The following EXOC4 variants were observed in gnomAD, a reference collection of about 807,000 sequenced individuals.
The protein encoded by EXOC4 is SEC8-like 1.
In EXOC4, 71 loss-of-function variants were observed where a neutral mutation model predicts 107.2. That is an observed-to-expected ratio of 0.66 (90% CI 0.55 to 0.81). The LOEUF (loss-of-function observed/expected upper bound fraction) is 0.81, where lower values mean the gene tolerates loss of function less well. EXOC4 is among the 30% of genes least tolerant of loss of function. The pLI, the probability that EXOC4 is intolerant of heterozygous loss-of-function variation, is 0.00. For synonymous variants in EXOC4, 456 were observed against 441.2 expected (o/e 1.03, Z -0.42); for missense variants, 1,108 against 1,189.6 (o/e 0.93, Z 1.01).
chr7:133,253,685 C>T (rs1165111261), intron 1 of EXOC4: 3 of 204,026 alleles, frequency 1.5e-5, no homozygotes, highest in Non-Finnish European at 2.6e-5. Flanking sequence ...GCCACAAATA[C>T]AAGAATCTGC....
intron 14 of EXOC4, among the ~76,000 whole-genome samples, chr7:133,959,708 A>G (rs1190094381): frequency 2.0e-5 from 3 of 152,106 alleles, no homozygotes; most frequent in African/African-American, 7.2e-5. Context: ...GTCAGAAGAA[A>G]AAAAAAATAA....
intron 10 of EXOC4, among the ~76,000 whole-genome samples, chr7:133,782,810 G>A (rs921490624): frequency 6.6e-6 from 1 of 152,162 alleles, no homozygotes; most frequent in Admixed American, 6.5e-5. Flanking sequence ...AAGGCGAATG[G>A]TATTGTGAGG....
intron 10 of EXOC4, among the ~76,000 whole-genome samples, chr7:133,692,598 A>G (rs1794445556): frequency 6.6e-6 from 1 of 152,198 alleles, no homozygotes; most frequent in African/African-American, 2.4e-5. Context: ...CCACTTCCAT[A>G]ATCTCCCCTT....
At chr7:133,535,443 A>G (rs745868624) in intron 9 of EXOC4, among the ~76,000 whole-genome samples, 2 of 152,168 alleles carry the variant, frequency 1.3e-5, no homozygotes, top group Non-Finnish European at 2.9e-5. Flanking sequence ...GAAGTTTACA[A>G]TCCTATCTGA....
chr7:133,429,094 G>T (rs566030751), intron 7 of EXOC4, among the ~76,000 whole-genome samples: 3 of 152,230 alleles, frequency 2.0e-5, no homozygotes, highest in African/African-American at 7.2e-5. Context: ...TGACAGCACG[G>T]GTTGGAAGAA....
At chr7:133,427,271 T>C (rs1217365995) in intron 7 of EXOC4, among the ~76,000 whole-genome samples, 1 of 152,176 alleles carries the variant, frequency 6.6e-6, no homozygotes, top group Non-Finnish European at 1.5e-5. Flanking sequence ...ACTCCCAGCC[T>C]TTCTCAGTAG....
chr7:133,451,000 C>T (rs752319864), intron 7 of EXOC4, among the ~76,000 whole-genome samples: 28 of 152,140 alleles, frequency 1.8e-4, no homozygotes, highest in African/African-American at 3.6e-4. Flanking sequence ...TGGTCGTGAA[C>T]GGTTGCTCAC....
the EXOC4 span, among the ~76,000 whole-genome samples, chr7:134,079,511 G>T: frequency 1.3e-5 from 2 of 152,064 alleles, no homozygotes; most frequent in African/African-American, 2.4e-5. Context: ...CTTTTATGCT[G>T]ATTAACCATC....
At chr7:133,825,768 T>C (rs1356483390) in intron 11 of EXOC4, among the ~76,000 whole-genome samples, 7 of 152,174 alleles carry the variant, frequency 4.6e-5, no homozygotes, top group Admixed American at 1.3e-4. Context: ...TTAGTGTAAA[T>C]AGATTAGTCC....
chr7:133,665,261 A>G (rs544295603), intron 10 of EXOC4, among the ~76,000 whole-genome samples: 13 of 152,114 alleles, frequency 8.5e-5, no homozygotes, highest in Non-Finnish European at 1.5e-4. Context: ...TTTGACTTTT[A>G]CATGGTTAAC....
At chr7:133,633,902 C>G (rs1267139027) in intron 10 of EXOC4, among the ~76,000 whole-genome samples, 1 of 151,958 alleles carries the variant, frequency 6.6e-6, no homozygotes, top group African/African-American at 2.4e-5. Context: ...CTACTTTTTC[C>G]CTATGTCTGG....
At chr7:133,285,512 T>A (rs932054065) in intron 2 of EXOC4, among the ~76,000 whole-genome samples, 1 of 152,236 alleles carries the variant, frequency 6.6e-6, no homozygotes, top group African/African-American at 2.4e-5. Context: ...TAGCTTTTAA[T>A]GTTGCTGCTG....
chr7:133,257,434 CTTTTG>C (rs1213496359), intron 1 of EXOC4, among the ~76,000 whole-genome samples: 1 of 152,074 alleles, frequency 6.6e-6, no homozygotes, highest in East Asian at 1.9e-4. Flanking sequence ...CTTTGCCAAC[CTTTTG>C]TTTGGTGGGA....
Position 133,576,403 on chromosome 7 carries a change from G to A in EXOC4, c.1418-53642G>A, listed in dbSNP as rs543136034. Reference sequence around the variant, plus strand: ...TCTTTCATTTTAATCTGTTGTCTCCGTCACAGTCAAATTAGCATTATGTAG... The same window carrying A: ...TCTTTCATTTTAATCTGTTGTCTCCATCACAGTCAAATTAGCATTATGTAG... On this transcript the variant is annotated intron_variant, in intron 9 of 17. Transcript: ENST00000253861. 2.0e-4 allele frequency: 205 copies of A among 1,051,120 alleles called. 1 individual carries two copies. Among genetic ancestry groups the A allele is most frequent in the Middle Eastern group, 3.0e-4 (1 of 3,382 alleles). The allele number at this position is 1,051,120 out of a possible 1,614,324, so 65.1% of individuals were successfully genotyped here.
chr7:134,043,178 A>T (rs1209861209), intron 17 of EXOC4, among the ~76,000 whole-genome samples: 1 of 151,868 alleles, frequency 6.6e-6, no homozygotes, highest in Non-Finnish European at 1.5e-5. Flanking sequence ...GTACAGTGGG[A>T]TTGTGTGGCA....
At chr7:133,436,028 A>G (rs973584309) in intron 7 of EXOC4, among the ~76,000 whole-genome samples, 2 of 148,698 alleles carry the variant, frequency 1.3e-5, no homozygotes, top group African/African-American at 4.9e-5. Flanking sequence ...GCAGGGGGAA[A>G]GAATTTGAAT....
intron 9 of EXOC4, among the ~76,000 whole-genome samples, chr7:133,493,269 A>G (rs1390137664): frequency 6.6e-6 from 1 of 152,118 alleles, no homozygotes; most frequent in Non-Finnish European, 1.5e-5. Context: ...TACTAAAAAT[A>G]CTGAACTCTA....
chr7:133,627,888 G>T (rs1377907131), intron 9 of EXOC4, among the ~76,000 whole-genome samples: 1 of 152,162 alleles, frequency 6.6e-6, no homozygotes, highest in African/African-American at 2.4e-5. Flanking sequence ...AGAAACAACT[G>T]ATCCAAATGT....
Position 133,778,396 on chromosome 7 carries a change from C to G in EXOC4, c.1515-38929C>G, listed in dbSNP as rs115522730. On this transcript the variant is annotated intron_variant, in intron 10 of 17. Coordinates refer to ENST00000253861, the MANE Select transcript of EXOC4 (RefSeq NM_021807.4). The stretch of plus-strand genomic sequence containing the variant: ...CTTGAGCCCAGGAGTTCGAGACCAG[C>G]CTAGGCAACATACGGAGACTCTCTC... Among the ~76,000 whole-genome samples the G allele has an allele frequency of 5.8e-3, 883 of 152,250 alleles. 9 individuals carry two copies. The highest frequency in any genetic ancestry group is 0.02 in the African/African-American group (838 of 41,550).
Sources: gnomAD v4.1 joint callset for allele counts (sites outside exome capture counted in the v4.1 genomes callset) on GRCh38, gnomAD v4.1.1 for gene constraint, MANE v1.5 for transcripts, NCBI Gene and HGNC (gene_info 2026-07-23, HGNC 2026-07-21) for gene names.